The following DAB1 variants were observed in gnomAD, a reference collection of about 807,000 sequenced individuals.
DAB1 encodes disabled homolog 1.
Under a neutral mutation model 64.6 loss-of-function variants are expected in DAB1, and 15 were observed. The ratio of observed to expected loss-of-function variants is 0.23; its 90% CI spans 0.16 to 0.36. DAB1 has a LOEUF of 0.36. Among genes scored for constraint, DAB1 ranks in the 10% least tolerant of loss-of-function variants. The probability of loss-of-function intolerance (pLI) is 1.00; values close to 1 mark genes in which losing one functional copy is unlikely to be tolerated. For missense variants in DAB1, 596 were observed against 706.7 expected, an observed-to-expected ratio of 0.84 and a Z score of 1.78; for synonymous variants, 235 against 251.9, an observed-to-expected ratio of 0.93 and a Z score of 0.64.
intron 6 of DAB1, among the ~76,000 whole-genome samples, chr1:57,806,652 T>A (rs76054997): frequency 6.6e-6 from 1 of 152,234 alleles, no homozygotes; most frequent in East Asian, 1.9e-4. Context: ...TACTTTGTTA[T>A]GGCATCCCTA....
intron 5 of DAB1, among the ~76,000 whole-genome samples, chr1:58,090,940 A>G (rs1265867817): frequency 6.6e-6 from 1 of 152,228 alleles, no homozygotes; most frequent in East Asian, 1.9e-4. Context: ...GTTTAGCTGA[A>G]TAAGTCGGTT....
intron 9 of DAB1, among the ~76,000 whole-genome samples, chr1:57,058,281 G>A (rs1400005410): frequency 6.6e-6 from 1 of 152,152 alleles, no homozygotes; most frequent in East Asian, 1.9e-4. Flanking sequence ...GTGGAAGAAG[G>A]GCCAGGCAAG....
At chr1:57,062,622 G>A (rs1163530315) in intron 9 of DAB1, among the ~76,000 whole-genome samples, 2 of 152,164 alleles carry the variant, frequency 1.3e-5, no homozygotes, top group African/African-American at 2.4e-5. Flanking sequence ...CCCTTAAACA[G>A]AGTAGTTCAC....
chr1:57,433,851 CA>C (rs59390528), intron 7 of DAB1, among the ~76,000 whole-genome samples: 17,247 of 108,718 alleles, frequency 0.16, 966 homozygotes, highest in Middle Eastern at 0.21. Flanking sequence ...GACAGCTCAC[CA>C]AAAAAAAAAA....
At chr1:57,168,615 T>A (rs1661428332) in intron 2 of DAB1, among the ~76,000 whole-genome samples, 1 of 152,194 alleles carries the variant, frequency 6.6e-6, no homozygotes, top group Non-Finnish European at 1.5e-5. Flanking sequence ...TTTGGTTGTC[T>A]CGCCTCCCAG....
chr1:57,911,585 C>T (rs1644645541), intron 5 of DAB1, among the ~76,000 whole-genome samples: 1 of 152,168 alleles, frequency 6.6e-6, no homozygotes, highest in Non-Finnish European at 1.5e-5. Context: ...CCCCATCGGA[C>T]CTCAGCTTCA....
In DAB1 at chr1:57,913,546, T is replaced by A. The variant is rs144646184; in HGVS notation, n.388-29384A>T. Among the ~76,000 whole-genome samples, 160 of 152,328 alleles carry A rather than the reference T, an allele frequency of 1.1e-3. 3 individuals are homozygous for A. In the East Asian group the frequency reaches 0.027, roughly 25 times the overall value. On this transcript the variant is annotated intron_variant and non_coding_transcript_variant, in intron 5 of 20. Coordinates refer to the DAB1 transcript ENST00000485760. ...GACATAGGCATGGGCAAGGACTTCA[T>A]GTCTAAAACACCAAAAGCAATGGCA...
intron 1 of DAB1, among the ~76,000 whole-genome samples, chr1:58,528,141 C>A (rs558999612): frequency 1.7e-4 from 26 of 152,306 alleles, no homozygotes; most frequent in African/African-American, 6.0e-4. Context: ...CCTTTTCAAT[C>A]AGTCTGTTTT....
intron 1 of DAB1, among the ~76,000 whole-genome samples, chr1:57,403,890 A>C (rs1683433041): frequency 6.6e-6 from 1 of 152,204 alleles, no homozygotes; most frequent in Non-Finnish European, 1.5e-5. Flanking sequence ...AATACTCAAC[A>C]GTCATGTGCT....
intron 5 of DAB1, among the ~76,000 whole-genome samples, chr1:57,926,108 C>A (rs1644875938): frequency 6.6e-6 from 1 of 152,202 alleles, no homozygotes; most frequent in Non-Finnish European, 1.5e-5. Context: ...CCTTGCTCTG[C>A]CACTGAGACT....
At chr1:58,227,852 A>C (rs1032587411) in intron 4 of DAB1, among the ~76,000 whole-genome samples, 1 of 152,198 alleles carries the variant, frequency 6.6e-6, no homozygotes, top group Non-Finnish European at 1.5e-5. Context: ...ATGGCCTGAC[A>C]AAACAGTTTC....
At chr1:57,929,958 C>G (rs1462469653) in intron 5 of DAB1, among the ~76,000 whole-genome samples, 1 of 152,170 alleles carries the variant, frequency 6.6e-6, no homozygotes, top group Non-Finnish European at 1.5e-5. Flanking sequence ...ACACTGGGGA[C>G]TAAATTTCAA....
Position 58,272,649 on chromosome 1 carries a change from C to T in DAB1, n.309+70703G>A, listed in dbSNP as rs1372682051. 2.0e-4 allele frequency among the ~76,000 whole-genome samples: 29 copies of T among 143,266 alleles called. 1 individual carries two copies. Among genetic ancestry groups the T allele is most frequent in the Admixed American group, 4.9e-4 (7 of 14,206 alleles). The allele number at this position is 143,266 out of a possible 152,430, so 94.0% of individuals were successfully genotyped here. Reference sequence around the variant, plus strand: ...GTGTTAAAGTCTCCCATTATTAATGCGTGGGAGTCTAAGTCTCTTTGTAGG... The same window carrying T: ...GTGTTAAAGTCTCCCATTATTAATGTGTGGGAGTCTAAGTCTCTTTGTAGG... On this transcript the variant is annotated intron_variant and non_coding_transcript_variant, in intron 4 of 20. Coordinates refer to the DAB1 transcript ENST00000485760.
chr1:57,784,701 G>A (rs556893924), intron 6 of DAB1, among the ~76,000 whole-genome samples: 53 of 152,288 alleles, frequency 3.5e-4, no homozygotes, highest in Non-Finnish European at 4.7e-4. Context: ...GCTAGCAGAA[G>A]TTGGTTCCTG....
chr1:58,231,890 A>G (rs759368753), intron 4 of DAB1, among the ~76,000 whole-genome samples: 50 of 152,210 alleles, frequency 3.3e-4, no homozygotes, highest in Non-Finnish European at 6.6e-4. Flanking sequence ...GGTACCCATT[A>G]TTCCAATTTA....
chr1:57,056,036 C>T (rs952965779), intron 9 of DAB1, among the ~76,000 whole-genome samples: 1 of 152,114 alleles, frequency 6.6e-6, no homozygotes, highest in Non-Finnish European at 1.5e-5. Flanking sequence ...CAGGCACTAA[C>T]ATTAATTCCA....
chr1:57,425,539 C>T (rs947618496), upstream of DAB1, among the ~76,000 whole-genome samples: 2 of 152,144 alleles, frequency 1.3e-5, no homozygotes, highest in African/African-American at 4.8e-5. Flanking sequence ...ACAAAATTCA[C>T]GACCCATTAA....
chr1:57,900,889 G>A (rs953452479), intron 5 of DAB1, among the ~76,000 whole-genome samples: 2 of 152,038 alleles, frequency 1.3e-5, no homozygotes, highest in Non-Finnish European at 2.9e-5. Context: ...ATATTTTCCA[G>A]TTCACTGCCA....
intron 9 of DAB1, among the ~76,000 whole-genome samples, chr1:57,037,510 A>AAAATTCAATT (rs1343141990): frequency 6.6e-6 from 1 of 152,262 alleles, no homozygotes; most frequent in African/African-American, 2.4e-5. Flanking sequence ...AAACGAAACA[A>AAAATTCAATT]AAATTCAATT....
Sources: allele counts gnomAD v4.1 joint callset (sites outside exome capture counted in the v4.1 genomes callset), GRCh38; gene constraint gnomAD v4.1.1; transcripts MANE v1.5; gene names NCBI Gene and HGNC (gene_info 2026-07-23, HGNC 2026-07-21).